The following MTA3 variants were observed in gnomAD, a reference collection of about 807,000 sequenced individuals.
MTA3 encodes the protein metastasis associated 1 family member 3.
In MTA3, 34 loss-of-function variants were observed where a neutral mutation model predicts 83.5. The observed-to-expected ratio is 0.41, with a 90% CI of 0.31 to 0.54. MTA3 has a LOEUF of 0.54. Ranked by LOEUF, MTA3 falls within the 20% of genes least tolerant of loss-of-function variation. The pLI is 0.33. For synonymous variants in MTA3, 303 were observed against 252.7 expected (o/e 1.20, Z -1.89); for missense variants, 761 against 726.4 (o/e 1.05, Z -0.55).
chr2:42,510,775 G>C (rs1025754086), intron 2 of MTA3, among the ~76,000 whole-genome samples: 1 of 152,146 alleles, frequency 6.6e-6, no homozygotes, highest in Admixed American at 6.6e-5. Context: ...AGCCCAGACA[G>C]GAAGGAAGTG....
intron 16 of MTA3, among the ~76,000 whole-genome samples, chr2:42,739,809 G>A (rs952227747): frequency 5.9e-5 from 9 of 152,272 alleles, no homozygotes; most frequent in Non-Finnish European, 8.8e-5. Context: ...AGCGTGTTCA[G>A]GAGTAGTTTC....
At chr2:42,524,953 G>A (rs916732530) in intron 2 of MTA3, among the ~76,000 whole-genome samples, 1 of 140,382 alleles carries the variant, frequency 7.1e-6, no homozygotes, top group Non-Finnish European at 1.5e-5. Flanking sequence ...GCGCCTGTGG[G>A]TCTCTTTTTT....
intron 2 of MTA3, among the ~76,000 whole-genome samples, chr2:42,543,692 C>T (rs1289437597): frequency 6.8e-6 from 1 of 147,174 alleles, no homozygotes; most frequent in East Asian, 2.0e-4. Context: ...TACTCTGTTG[C>T]CCAGGCTGGT....
At chr2:42,618,156 C>G (rs1685131199) in intron 4 of MTA3, among the ~76,000 whole-genome samples, 1 of 152,062 alleles carries the variant, frequency 6.6e-6, no homozygotes, top group African/African-American at 2.4e-5. Flanking sequence ...CTATGTTGCC[C>G]AGGCTGGTCT....
intron 2 of MTA3, among the ~76,000 whole-genome samples, chr2:42,544,530 A>G (rs1676670676): frequency 6.6e-6 from 1 of 151,792 alleles, no homozygotes; most frequent in Non-Finnish European, 1.5e-5. Context: ...TAAAATACCA[A>G]AAATAACTTT....
At chr2:42,704,739 A>T (rs1162174551) in intron 12 of MTA3, among the ~76,000 whole-genome samples, 2 of 152,300 alleles carry the variant, frequency 1.3e-5, no homozygotes, top group East Asian at 3.9e-4. Flanking sequence ...GCTGCTGTAT[A>T]TAATCCTCAG....
rs758123254 is a variant in MTA3, at chr2:42,656,307, G to A, written c.602+5G>A. ...CCAGTTTTTAGTTGTAGCACGGTGA[G>A]TATGAGTATGGCATTATTGAGTCAA... On this transcript the variant is annotated splice_donor_5th_base_variant and intron_variant, in intron 7 of 16. Transcript: ENST00000405094. The A allele has an allele frequency of 1.3e-6, 2 of 1,586,538 alleles. No individual in the cohort carries two copies. The highest frequency in any genetic ancestry group is 1.7e-6 in the Non-Finnish European group (2 of 1,155,332).
upstream of MTA3, among the ~76,000 whole-genome samples, chr2:42,564,720 G>C (rs1677830683): frequency 6.6e-6 from 1 of 152,102 alleles, no homozygotes; most frequent in South Asian, 2.1e-4. Context: ...AGACCTCCAG[G>C]CTCCTGTCCT....
chr2:42,499,250 C>T (rs577393111), intron 2 of MTA3, among the ~76,000 whole-genome samples: 1 of 151,784 alleles, frequency 6.6e-6, no homozygotes, highest in South Asian at 2.1e-4. Flanking sequence ...TCACCGCAAC[C>T]TCCGCCTCCC....
intron 2 of MTA3, among the ~76,000 whole-genome samples, chr2:42,539,784 G>C (rs1676439387): frequency 6.6e-6 from 1 of 151,830 alleles, no homozygotes; most frequent in Non-Finnish European, 1.5e-5. Context: ...TGTTGCCCAG[G>C]CTGGTCTTGA....
Position 42,642,013 on chromosome 2 carries a change from C to A in MTA3, c.381+1777C>A, listed in dbSNP as rs1573437983. Among the ~76,000 whole-genome samples the A allele has an allele frequency of 2.6e-5, 4 of 152,142 alleles. No individual in the cohort carries two copies. In the East Asian group the frequency reaches 7.7e-4, roughly 29 times the overall value. ...CATATAAGAACTCTGCACTTGTACC[C>A]CCTAAATATATAAAAAATTTAAAAA... On this transcript the variant is annotated intron_variant, in intron 5 of 16. Transcript: ENST00000405094.
In MTA3 at chr2:42,668,909, G is replaced by C. The variant is rs546264969; in HGVS notation, c.702+9047G>C. Among the ~76,000 whole-genome samples, 16 of 152,016 alleles carry C rather than the reference G, an allele frequency of 1.1e-4. No homozygotes were observed. The South Asian group carries it at 3.3e-3, about 32-fold the overall frequency. ...ACTTAGAAAAGACAATTTATTTTTT[G>C]GATGAGGGAAAGTTGACCTAACAGT... On this transcript the variant is annotated intron_variant, in intron 8 of 16. Transcript: ENST00000405094.
At chr2:42,705,550 C>A (rs1428894215) in intron 12 of MTA3, among the ~76,000 whole-genome samples, 2 of 151,840 alleles carry the variant, frequency 1.3e-5, no homozygotes, top group African/African-American at 4.8e-5. Flanking sequence ...ACTAAAAATA[C>A]CAAAAATTAG....
chr2:42,682,780 C>G (rs1692041535), intron 9 of MTA3, 191 bp downstream of exon 9: 1 of 583,052 alleles, frequency 1.7e-6, no homozygotes, highest in Non-Finnish European at 3.0e-6. Flanking sequence ...GTAGTAAGAC[C>G]CACGCTATCA....
chr2:42,552,957 TAAA>T (rs765193351), intron 2 of MTA3, among the ~76,000 whole-genome samples: 4 of 123,952 alleles, frequency 3.2e-5, no homozygotes, highest in African/African-American at 8.4e-5. Context: ...CTCAAAAAAT[TAAA>T]AAAAAAAAAA....
At chr2:42,624,324 A>C (rs1368612145) in intron 4 of MTA3, among the ~76,000 whole-genome samples, 1 of 151,232 alleles carries the variant, frequency 6.6e-6, no homozygotes, top group African/African-American at 2.4e-5. Context: ...TTAATTTTTT[A>C]ATTTTTTATT....
intron 14 of MTA3, among the ~76,000 whole-genome samples, chr2:42,713,047 C>G (rs1666754485): frequency 6.6e-6 from 1 of 152,216 alleles, no homozygotes; most frequent in Non-Finnish European, 1.5e-5. Context: ...AGGATCCTCA[C>G]AGACTGAGGT....
rs188509661 is a variant in MTA3 at position 42,744,000 on chromosome 2, C to T, written c.1760-9374C>T. ...AAGAACTTGAGTGTCCCTAGACTCA[C>T]CTCTGCTCTCCTTGTCTCAAAGGGT... On this transcript the variant is annotated intron_variant, in intron 16 of 16. Transcript: ENST00000405094. 1.4e-4 allele frequency among the ~76,000 whole-genome samples: 22 copies of T among 152,288 alleles called. No individual in the cohort carries two copies. The East Asian group carries it at 3.1e-3, about 21-fold the overall frequency.
At chr2:42,740,661 G>T (rs1446429728) in intron 16 of MTA3, among the ~76,000 whole-genome samples, 1 of 152,242 alleles carries the variant, frequency 6.6e-6, no homozygotes, top group Non-Finnish European at 1.5e-5. Context: ...CAAGTGCATT[G>T]TTAATGAGCA....
Sources: gnomAD v4.1 joint callset for allele counts (sites outside exome capture counted in the v4.1 genomes callset) on GRCh38, gnomAD v4.1.1 for gene constraint, MANE v1.5 for transcripts, NCBI Gene and HGNC (gene_info 2026-07-23, HGNC 2026-07-21) for gene names.